Variants in MMAB observed in about 807,000 individuals in gnomAD.
MMAB encodes the protein metabolism of cobalamin associated B.
A neutral mutation model predicts 30.6 loss-of-function variants in MMAB; 17 were observed. The observed-to-expected ratio is 0.56, with a 90% CI of 0.38 to 0.83. The LOEUF is 0.83. Among genes scored for constraint, MMAB ranks in the 40% least tolerant of loss-of-function variants. MMAB has a pLI of 0.00. For missense variants in MMAB, 311 were observed against 331.6 expected (o/e 0.94, Z 0.48); for synonymous variants, 134 against 138.6 (o/e 0.97, Z 0.23).
chr12:109,567,157 C>T (rs774068032), intron 3 of MMAB: 13 of 359,938 alleles, frequency 3.6e-5, no homozygotes, highest in Non-Finnish European at 5.5e-5. Context: ...GCAACAAGCG[C>T]GAAACTCCGT....
intron 8 of MMAB, among the ~76,000 whole-genome samples, chr12:109,557,710 G>C (rs1451368177): frequency 6.6e-6 from 1 of 152,214 alleles, no homozygotes; most frequent in Non-Finnish European, 1.5e-5. Flanking sequence ...CAGCACCTTT[G>C]GTCTCCACCC....
chr12:109,557,076 C>A lies in MMAB; in HGVS notation c.705G>T (p.Glu235Asp). The A allele has an allele frequency of 1.2e-6, 2 of 1,613,986 alleles. No individual in the cohort carries two copies. The highest frequency in any genetic ancestry group is 1.7e-6 in the Non-Finnish European group (2 of 1,179,830). Reference sequence around the variant, plus strand: ...ATGGGTCATTTTTCATGTATATTTTCTCTTGATTCCCCTCCTTCATGGCTG... The same window carrying A: ...ATGGGTCATTTTTCATGTATATTTTATCTTGATTCCCCTCCTTCATGGCTG... ...RYAAMKEGNQ[E>D]KIYMKNDPSA... Residue 235 changes from glutamate (E) to aspartate (D), a missense_variant, in exon 9 of 9, where the codon GAG becomes GAT. Glu to Asp is a conservative substitution (Grantham distance 45). Coordinates refer to ENST00000545712, the MANE Select transcript of MMAB (RefSeq NM_052845.4).
rs1258663610 is a variant in MMAB, at chr12:109,554,831, AAGCTTT to A, written c.*2191_*2196del. Reference sequence around the variant, plus strand: ...ACCCCATCCTTCCAGCCCCCAAAGCAAGCTTTCTCCATTTTTCCCAGGTTGGTAGCA... The same window carrying A: ...ACCCCATCCTTCCAGCCCCCAAAGCACTCCATTTTTCCCAGGTTGGTAGCA... On this transcript the variant is annotated 3_prime_UTR_variant, in exon 9 of 9. Transcript: ENST00000545712. 4 of 453,888 alleles carry A rather than the reference AAGCTTT, an allele frequency of 8.8e-6. No homozygotes were observed. The highest frequency in any genetic ancestry group is 8.0e-5 in the African/African-American group (4 of 50,006). The allele number at this position is 453,888 out of a possible 1,614,324, so 28.1% of individuals were successfully genotyped here. A position where few individuals can be genotyped will look rare whatever the true frequency, so the allele number is the denominator to read the frequency against.
At chr12:109,564,584 G>T (rs1197590673) in intron 4 of MMAB, among the ~76,000 whole-genome samples, 1 of 150,948 alleles carries the variant, frequency 6.6e-6, no homozygotes, top group Non-Finnish European at 1.5e-5. Context: ...TAGAGACAGG[G>T]TCTCCCTAAG....
intron 2 of MMAB, chr12:109,570,197 C>G (rs1435815060): frequency 9.6e-6 from 2 of 208,746 alleles, no homozygotes; most frequent in Non-Finnish European, 2.1e-5. Context: ...CAGGAGGTTG[C>G]AGTGAGCTGA....
Position 109,557,079 on chromosome 12 carries a change from T to C in MMAB, c.702A>G (p.Gln234=). Residue 234 remains glutamine (Q), a synonymous_variant, in exon 9 of 9, where the codon CAA becomes CAG. Coordinates refer to ENST00000545712, the MANE Select transcript of MMAB (RefSeq NM_052845.4). ...ARYAAMKEGN[Q]EKIYMKNDPS... is the part of the protein sequence containing the mutation. ...GGTCATTTTTCATGTATATTTTCTC[T>C]TGATTCCCCTCCTTCATGGCTGCAT... 1 of 1,613,916 alleles carries C rather than the reference T, an allele frequency of 6.2e-7. No individual in the cohort carries two copies. The highest frequency in any genetic ancestry group is 8.5e-7 in the Non-Finnish European group (1 of 1,179,750).
At chr12:109,573,221 T>G in intron 1 of MMAB, 126 bp downstream of exon 1, 1 of 1,334,688 alleles carries the variant, frequency 7.5e-7, no homozygotes, top group Admixed American at 1.9e-5. Context: ...CATGGTGACG[T>G]CAGAACAGCG....
At chr12:109,564,290 C>T (rs985091078) in intron 4 of MMAB, among the ~76,000 whole-genome samples, 1 of 151,910 alleles carries the variant, frequency 6.6e-6, no homozygotes, top group Admixed American at 6.6e-5. Context: ...AGAACCGTTG[C>T]ATTTTAAATT....
In MMAB at chr12:109,561,396, C is replaced by T. The variant is rs932446735; in HGVS notation, c.519+24G>A. 5.6e-5 allele frequency: 87 copies of T among 1,548,702 alleles called. No individual in the cohort carries two copies. Among genetic ancestry groups the T allele is most frequent in the African/African-American group, 1.2e-4 (9 of 73,026 alleles). ...CACTGAACCTGCCTGCAGCCGCCCCCGGTTAAGCCTGCCCAGTACCTACAG... is the reference window on the plus strand; with the variant it reads ...CACTGAACCTGCCTGCAGCCGCCCCTGGTTAAGCCTGCCCAGTACCTACAG... On this transcript the variant is annotated intron_variant, in intron 6 of 8. Coordinates refer to ENST00000545712, the MANE Select transcript of MMAB (RefSeq NM_052845.4). The surrounding 1 kb of genome is among the most constrained non-coding windows in gnomAD (Gnocchi z 5.3).
In MMAB at chr12:109,563,217, A is replaced by G. The variant is rs181478563; in HGVS notation, c.349-1365T>C. 2.0e-3 allele frequency among the ~76,000 whole-genome samples: 309 copies of G among 152,286 alleles called. 2 individuals are homozygous for G. Among genetic ancestry groups the G allele is most frequent in the African/African-American group, 7.0e-3 (290 of 41,552 alleles). ...TTGGCCACGTGCAGCGTGTACCCCA[A>G]GGGCTGGGGAGAAATGGCACCAGTT... On this transcript the variant is annotated intron_variant, in intron 4 of 8. Transcript: ENST00000545712.
intron 4 of MMAB, among the ~76,000 whole-genome samples, chr12:109,563,936 CCT>C (rs1335285564): frequency 6.6e-6 from 1 of 152,190 alleles, no homozygotes; most frequent in Non-Finnish European, 1.5e-5. Context: ...GGGTGGTGAC[CCT>C]GTCTCCGTGC....
intron 8 of MMAB, among the ~76,000 whole-genome samples, chr12:109,557,620 G>C (rs1230012316): frequency 6.6e-6 from 1 of 152,210 alleles, no homozygotes; most frequent in African/African-American, 2.4e-5. Context: ...TGACACTGCT[G>C]GACTAGGCCC....
rs779276108 is a variant in MMAB at position 109,561,050 on chromosome 12, C to G, written c.574G>C (p.Ala192Pro). 1 of 1,610,246 alleles carries G rather than the reference C, an allele frequency of 6.2e-7. No homozygotes were observed. Among genetic ancestry groups the G allele is most frequent in the South Asian group, 1.1e-5 (1 of 91,046 alleles). Residue 192 changes from alanine to proline, a missense_variant, in exon 7 of 9, where the codon GCC becomes CCC. Coordinates refer to ENST00000545712, the MANE Select transcript of MMAB (RefSeq NM_052845.4). The surrounding 1 kb of genome is among the most constrained non-coding windows in gnomAD (Gnocchi z 5.3). ...LHFCRAVCRR[A>P]ERRVVPLVQM... ...CTCCAGCCCTCTTACCGTCTCTCGG[C>G]CCGGCGGCACACGGCCCGGCAGAAA...
rs2058806 is a variant in MMAB at position 109,558,538 on chromosome 12, C to A, written c.644+558G>T. ...AGAAGCCAGGGCTGGGGCAGGAACC[C>A]GCAGAGCAGGCTTTGGGCCAGGTGT... On this transcript the variant is annotated intron_variant, in intron 8 of 8. Transcript: ENST00000545712. The surrounding 1 kb of genome is among the most constrained non-coding windows in gnomAD (Gnocchi z 4.3). Among the ~76,000 whole-genome samples, 86,158 of 151,984 alleles carry A rather than the reference C, an allele frequency of 0.57. 25,431 individuals are homozygous for A. The highest frequency in any genetic ancestry group is 0.72 in the African/African-American group (29,990 of 41,482).
chr12:109,555,949 T>C lies in MMAB; in HGVS notation c.*1079A>G, dbSNP rs754065841. The C allele has an allele frequency of 1.3e-5, 6 of 454,018 alleles. No individual in the cohort carries two copies. The highest frequency in any genetic ancestry group is 9.3e-5 in the South Asian group (6 of 64,476). The allele number at this position is 454,018 out of a possible 1,614,324, so 28.1% of individuals were successfully genotyped here. A position where few individuals can be genotyped will look rare whatever the true frequency, so the allele number is the denominator to read the frequency against. On this transcript the variant is annotated 3_prime_UTR_variant, in exon 9 of 9. Transcript: ENST00000545712. ...AGCCACTCAGTCAATATGTGATGGC[T>C]GAATGGAGTTCGCCAGGCATTTCAG...
intron 1 of MMAB, 22 bp from the exon 2 acceptor site, chr12:109,571,732 T>G: frequency 6.2e-7 from 1 of 1,610,210 alleles, no homozygotes; most frequent in Non-Finnish European, 8.5e-7. Flanking sequence ...TAAACATCAG[T>G]ATCTGGTGAG....
intron 4 of MMAB, among the ~76,000 whole-genome samples, chr12:109,564,037 C>T (rs536714826): frequency 6.6e-6 from 1 of 152,364 alleles, no homozygotes; most frequent in East Asian, 1.9e-4. Context: ...GGGCTGAGGG[C>T]TCACTGCAGC....
chr12:109,572,702 T>C (rs1396623602), intron 1 of MMAB, among the ~76,000 whole-genome samples: 1 of 152,088 alleles, frequency 6.6e-6, no homozygotes, highest in Non-Finnish European at 1.5e-5. Flanking sequence ...CTCTTAACTC[T>C]ATCCTACCCA....
In MMAB at chr12:109,561,680, C is replaced by A; in HGVS notation, c.421+100G>T. 1 of 1,287,600 alleles carries A rather than the reference C, an allele frequency of 7.8e-7. No homozygotes were observed. 79.8% of individuals were successfully genotyped at this position (1,287,600 alleles called of 1,614,324 possible). ...GAGCTACGAGCAAGGCTAACTGACC[C>A]ACCCGTGGGTCCCTGGGGGCCTGGG... On this transcript the variant is annotated intron_variant, in intron 5 of 8. Transcript: ENST00000545712. The surrounding 1 kb of genome is among the most constrained non-coding windows in gnomAD (Gnocchi z 5.3).
Sources: allele counts gnomAD v4.1 joint callset (sites outside exome capture counted in the v4.1 genomes callset), GRCh38; gene constraint gnomAD v4.1.1; non-coding constraint Gnocchi (gnomAD v3.1); transcripts MANE v1.5; gene names NCBI Gene and HGNC (gene_info 2026-07-23, HGNC 2026-07-21).